Variants in RTN1 observed in about 807,000 individuals in gnomAD.
The protein encoded by RTN1 is reticulon 1, also known as reticulon-1.
In RTN1, 25 loss-of-function variants were observed where a neutral mutation model predicts 65.5. The ratio of observed to expected loss-of-function variants is 0.38; its 90% CI spans 0.28 to 0.53. The LOEUF (loss-of-function observed/expected upper bound fraction) is 0.53. Ranked by LOEUF, RTN1 falls within the 20% of genes least tolerant of loss-of-function variation. The probability of loss-of-function intolerance (pLI) is 0.79; values close to 1 mark genes in which losing one functional copy is unlikely to be tolerated. For missense variants in RTN1, 983 were observed against 1,025.4 expected, an observed-to-expected ratio of 0.96 and a Z score of 0.57; for synonymous variants, 471 against 447.6, an observed-to-expected ratio of 1.05 and a Z score of -0.66.
chr14:59,826,932 G>A (rs141893292), intron 1 of RTN1, among the ~76,000 whole-genome samples: 18 of 152,278 alleles, frequency 1.2e-4, no homozygotes, highest in African/African-American at 3.8e-4. Context: ...AGAGATGGAA[G>A]GTGGGAGCAG....
At chr14:59,655,144 GTATATC>G (rs1464462033) in intron 3 of RTN1, among the ~76,000 whole-genome samples, 1 of 151,910 alleles carries the variant, frequency 6.6e-6, no homozygotes, top group Non-Finnish European at 1.5e-5. Flanking sequence ...ATACTCAACT[GTATATC>G]TATACACTAG....
intron 2 of RTN1, among the ~76,000 whole-genome samples, chr14:59,731,235 TAA>T (rs1177553938): frequency 6.6e-6 from 1 of 152,030 alleles, no homozygotes; most frequent in Non-Finnish European, 1.5e-5. Flanking sequence ...AACAGTGAAA[TAA>T]GTCAGTCACA....
chr14:59,784,953 A>G (rs1594742375), intron 1 of RTN1, among the ~76,000 whole-genome samples: 1 of 152,228 alleles, frequency 6.6e-6, no homozygotes, highest in African/African-American at 2.4e-5. Context: ...TTAATAACAT[A>G]AAGGCTTCCT....
intron 8 of RTN1, among the ~76,000 whole-genome samples, chr14:59,597,241 A>C (rs1346803244): frequency 6.6e-6 from 1 of 152,226 alleles, no homozygotes; most frequent in Non-Finnish European, 1.5e-5. Flanking sequence ...ACCTATGTTC[A>C]CCCTCAGAGT....
At chr14:59,639,584 T>TA (rs1350212875) in intron 3 of RTN1, among the ~76,000 whole-genome samples, 1 of 152,204 alleles carries the variant, frequency 6.6e-6, no homozygotes, top group African/African-American at 2.4e-5. Context: ...GTAGAAGTGG[T>TA]AACAGATTAT....
At position 59,632,296 on chromosome 14, in the gene RTN1, C is replaced by A. The variant is rs189860539; in HGVS notation, c.1766-24804G>T. Among the ~76,000 whole-genome samples, 1,170 of 152,214 alleles carry A rather than the reference C, an allele frequency of 7.7e-3. 18 individuals are homozygous for A. Among genetic ancestry groups the A allele is most frequent in the African/African-American group, 0.025 (1,051 of 41,546 alleles). On this transcript the variant is annotated intron_variant, in intron 3 of 8. Transcript: ENST00000267484. ...CTAAGGTTATTCTTGATTATTTTTT[C>A]TATTTGTATTCCCTACCTTTCCTCC...
intron 1 of RTN1, among the ~76,000 whole-genome samples, chr14:59,793,305 A>T (rs1349887515): frequency 6.6e-6 from 1 of 152,210 alleles, no homozygotes; most frequent in African/African-American, 2.4e-5. Context: ...GGACAGAAGC[A>T]GAGTTCTATC....
At chr14:59,789,332 T>C (rs1184382684) in intron 1 of RTN1, among the ~76,000 whole-genome samples, 1 of 152,140 alleles carries the variant, frequency 6.6e-6, no homozygotes, top group Non-Finnish European at 1.5e-5. Flanking sequence ...TTGTATGATA[T>C]ATGTTTATTT....
In RTN1 at chr14:59,596,018, A is replaced by G. The variant is rs1394616262; in HGVS notation, c.*727T>C. 2.5e-4 allele frequency: 38 copies of G among 152,676 alleles called. No individual in the cohort carries two copies. Among genetic ancestry groups the G allele is most frequent in the Non-Finnish European group, 1.5e-5 (1 of 68,048 alleles). The allele number at this position is 152,676 out of a possible 1,614,324, so 9.5% of individuals were successfully genotyped here. ...AACATTTATTTATGCATTCAGTATC[A>G]AGTACATAAGTGCAAATATCCAGAG... On this transcript the variant is annotated 3_prime_UTR_variant, in exon 9 of 9. Coordinates refer to ENST00000267484, the MANE Select transcript of RTN1 (RefSeq NM_021136.3).
At chr14:59,855,631 A>C (rs963128643) in intron 1 of RTN1, among the ~76,000 whole-genome samples, 1 of 151,974 alleles carries the variant, frequency 6.6e-6, no homozygotes, top group African/African-American at 2.4e-5. Flanking sequence ...GGTTCTTGTA[A>C]TTTTCCATTA....
At position 59,650,288 on chromosome 14, in the gene RTN1, T is replaced by C. The variant is rs143648451; in HGVS notation, c.1766-42796A>G. ...AGAAGAGGAAGAGCATTAGGACAAA[T>C]ATCTAATACATGCAGGGCTTAAAAC... On this transcript the variant is annotated intron_variant, in intron 3 of 8. Transcript: ENST00000267484. Among the ~76,000 whole-genome samples, 22 of 152,214 alleles carry C rather than the reference T, an allele frequency of 1.4e-4. No individual in the cohort carries two copies. The South Asian group carries it at 2.7e-3, about 19-fold the overall frequency.
Position 59,647,566 on chromosome 14 carries a change from C to G in RTN1, c.1766-40074G>C, listed in dbSNP as rs576802211. On this transcript the variant is annotated intron_variant, in intron 3 of 8. Coordinates refer to ENST00000267484, the MANE Select transcript of RTN1 (RefSeq NM_021136.3). ...CAGTTGGTTATATAACAATTTTCAG[C>G]AAATGTAAAAGAACTGAAATCATAC... 2.6e-5 allele frequency among the ~76,000 whole-genome samples: 4 copies of G among 152,248 alleles called. No individual in the cohort carries two copies. The South Asian group carries it at 8.3e-4, about 32-fold the overall frequency.
chr14:59,750,191 AT>A (rs1358236591), intron 1 of RTN1, among the ~76,000 whole-genome samples: 1 of 72,874 alleles, frequency 1.4e-5, no homozygotes, highest in Non-Finnish European at 2.4e-5. Context: ...TAATACATAT[AT>A]TATATCTATA....
chr14:59,637,406 G>A (rs1594646096), intron 3 of RTN1, among the ~76,000 whole-genome samples: 1 of 152,144 alleles, frequency 6.6e-6, no homozygotes, highest in Admixed American at 6.5e-5. Flanking sequence ...TTGGACCCCT[G>A]AAAGTCATCC....
intron 3 of RTN1, among the ~76,000 whole-genome samples, chr14:59,725,980 G>A (rs1467916554): frequency 2.0e-5 from 3 of 152,222 alleles, no homozygotes; most frequent in African/African-American, 7.2e-5. Flanking sequence ...CTTGAATACA[G>A]TTGTTAGGGT....
At chr14:59,737,408 A>G (rs1885022689) in intron 2 of RTN1, among the ~76,000 whole-genome samples, 1 of 152,090 alleles carries the variant, frequency 6.6e-6, no homozygotes, top group Admixed American at 6.5e-5. Flanking sequence ...ATGAATTCCC[A>G]CTCACAATTG....
chr14:59,707,260 G>A (rs1338064268), intron 3 of RTN1, among the ~76,000 whole-genome samples: 1 of 152,190 alleles, frequency 6.6e-6, no homozygotes, highest in Non-Finnish European at 1.5e-5. Context: ...AGAGCCTCAA[G>A]GCACAGGGTT....
chr14:59,627,121 C>T (rs1480669253), intron 3 of RTN1, among the ~76,000 whole-genome samples: 1 of 152,154 alleles, frequency 6.6e-6, no homozygotes, highest in Admixed American at 6.5e-5. Flanking sequence ...AACTTCTGAG[C>T]CTCATAATGT....
chr14:59,597,657 A>G (rs547819325), intron 8 of RTN1, among the ~76,000 whole-genome samples: 83 of 152,316 alleles, frequency 5.4e-4, no homozygotes, highest in Non-Finnish European at 1.1e-3. Flanking sequence ...AGAAGTTTAG[A>G]TGGTGATAAC....
Sources: allele counts gnomAD v4.1 joint callset (sites outside exome capture counted in the v4.1 genomes callset), GRCh38; gene constraint gnomAD v4.1.1; transcripts MANE v1.5; gene names NCBI Gene and HGNC (gene_info 2026-07-23, HGNC 2026-07-21).